The following SBF2 variants were observed in gnomAD, a reference collection of about 807,000 sequenced individuals.
SBF2 encodes myotubularin-related protein 13.
A neutral mutation model predicts 225.2 loss-of-function variants in SBF2; 112 were observed. That is an observed-to-expected ratio of 0.50 (90% confidence interval 0.43 to 0.58). The LOEUF is 0.58. SBF2 is among the 20% of genes least tolerant of loss of function. The pLI, the probability that SBF2 is intolerant of heterozygous loss-of-function variation, is 0.00. For synonymous variants in SBF2, 763 were observed against 773.3 expected (o/e 0.99, Z 0.22); for missense variants, 1,996 against 2,206.2 (o/e 0.90, Z 1.91).
intron 17 of SBF2, among the ~76,000 whole-genome samples, chr11:9,862,880 T>A (rs1393363845): frequency 6.6e-6 from 1 of 152,196 alleles, no homozygotes; most frequent in African/African-American, 2.4e-5. Flanking sequence ...TGCACAAAGA[T>A]GAGATTTAAC....
intron 1 of SBF2, among the ~76,000 whole-genome samples, 196 bp downstream of exon 1, chr11:10,293,819 C>A (rs1459862954): frequency 6.6e-6 from 1 of 152,140 alleles, no homozygotes; most frequent in Non-Finnish European, 1.5e-5. Context: ...TTCCCTCCCC[C>A]TACCGTCGTG....
chr11:9,931,330 T>A lies in SBF2; in HGVS notation c.1860+30627A>T, dbSNP rs568345375. ...GTGGGTCCCTGACCCCTGTGTAGTC[T>A]AACTGGGAGACACCTCCCAGTAGGG... On this transcript the variant is annotated intron_variant, in intron 16 of 39. Transcript: ENST00000256190. 2.9e-4 allele frequency among the ~76,000 whole-genome samples: 44 copies of A among 152,348 alleles called. No individual in the cohort carries two copies. In the South Asian group the frequency reaches 8.7e-3, roughly 30 times the overall value.
chr11:9,792,860 C>T (rs1461553680), intron 33 of SBF2, among the ~76,000 whole-genome samples: 2 of 151,748 alleles, frequency 1.3e-5, no homozygotes, highest in African/African-American at 4.8e-5. Context: ...TCAAGTGATC[C>T]TCCCACCGCA....
At chr11:10,249,471 G>A (rs1205700004) in intron 1 of SBF2, among the ~76,000 whole-genome samples, 1 of 152,012 alleles carries the variant, frequency 6.6e-6, no homozygotes, top group Non-Finnish European at 1.5e-5. Flanking sequence ...AAAAAGAAGG[G>A]AAAGACAAAA....
At chr11:9,872,796 A>C (rs1858887772) in intron 17 of SBF2, among the ~76,000 whole-genome samples, 1 of 152,196 alleles carries the variant, frequency 6.6e-6, no homozygotes, top group Non-Finnish European at 1.5e-5. Flanking sequence ...CAAGTAGATC[A>C]CTTGAGATCA....
chr11:9,816,518 G>T (rs1445555506), intron 29 of SBF2, among the ~76,000 whole-genome samples: 2 of 152,150 alleles, frequency 1.3e-5, no homozygotes, highest in Non-Finnish European at 2.9e-5. Flanking sequence ...AATCAAGGCT[G>T]TTGAAAACAC....
chr11:10,000,972 G>T lies in SBF2; in HGVS notation c.803C>A (p.Ser268Tyr). The change falls in exon 8 of 40, where the codon TCC (serine) becomes TAC (tyrosine). Residue 268 changes from serine (S) to tyrosine (Y), a missense_variant. Coordinates refer to ENST00000256190, the MANE Select transcript of SBF2 (RefSeq NM_030962.4). ...TACTCCAATAATGAAAGGCGTTGGG[G>T]AACTTAGAACTTCCAGTAGCTGAGC... ...LPAQLLEVLS[S>Y]PTPFIIGVHS... The T allele has an allele frequency of 6.2e-7, 1 of 1,606,454 alleles. No homozygotes were observed. Among genetic ancestry groups the T allele is most frequent in the Non-Finnish European group, 8.5e-7 (1 of 1,173,198 alleles).
intron 2 of SBF2, among the ~76,000 whole-genome samples, chr11:10,092,275 AT>A (rs1019004928): frequency 6.6e-6 from 1 of 152,120 alleles, no homozygotes; most frequent in Non-Finnish European, 1.5e-5. Context: ...TAATATGCTA[AT>A]TTTTTTCTTG....
chr11:9,937,627 C>G (rs1473059035), intron 16 of SBF2, among the ~76,000 whole-genome samples: 3 of 151,374 alleles, frequency 2.0e-5, no homozygotes, highest in Non-Finnish European at 4.4e-5. Flanking sequence ...TACAATATGA[C>G]AAGAAGATGA....
chr11:10,222,570 G>A (rs957792148), intron 1 of SBF2, among the ~76,000 whole-genome samples: 3 of 152,112 alleles, frequency 2.0e-5, no homozygotes, highest in African/African-American at 7.2e-5. Context: ...ATAAATTACC[G>A]AATTTGAAGA....
At chr11:10,259,411 T>C (rs1214811041) in intron 1 of SBF2, among the ~76,000 whole-genome samples, 1 of 152,232 alleles carries the variant, frequency 6.6e-6, no homozygotes, top group Admixed American at 6.5e-5. Flanking sequence ...TTAGCTATTA[T>C]TACTACTAAT....
At position 9,790,643 on chromosome 11, in the gene SBF2, T is replaced by C. The variant is rs930093275; in HGVS notation, c.4611A>G (p.Lys1537=). 8.8e-6 allele frequency: 14 copies of C among 1,583,120 alleles called. No individual in the cohort carries two copies. The highest frequency in any genetic ancestry group is 5.0e-5 in the Admixed American group (3 of 59,730). Residue 1537 remains lysine (K), a synonymous_variant, in exon 34 of 40, where the codon AAA becomes AAG. Coordinates refer to ENST00000256190, the MANE Select transcript of SBF2 (RefSeq NM_030962.4). ...FDDKGEKHAK[K]GVCIWECIDR... is the part of the protein sequence containing the mutation. ...CAATACATTCCCAAATACAGACTCC[T>C]TTTTTGGCATGCTTTTCTCCTTTAT...
chr11:9,974,657 A>G lies in SBF2; in HGVS notation c.1396-6112T>C, dbSNP rs796723771. Among the ~76,000 whole-genome samples, 568 of 146,344 alleles carry G rather than the reference A, an allele frequency of 3.9e-3. 3 individuals carry two copies. Among genetic ancestry groups the G allele is most frequent in the African/African-American group, 0.013 (538 of 40,074 alleles). The stretch of plus-strand genomic sequence containing the variant: ...AACAAGACACCCCCAACACCGCCCA[A>G]AAAAAAAAAAAAAAGAAAAGAAAGA... On this transcript the variant is annotated intron_variant, in intron 13 of 39. Transcript: ENST00000256190.
chr11:10,229,582 T>C (rs568699369), intron 1 of SBF2, among the ~76,000 whole-genome samples: 1 of 152,344 alleles, frequency 6.6e-6, no homozygotes. Flanking sequence ...CCAGTAGTCA[T>C]TCAGGAGCAG....
At chr11:10,193,778 A>G in intron 2 of SBF2, 124 bp downstream of exon 2, 1 of 734,764 alleles carries the variant, frequency 1.4e-6, no homozygotes, top group Admixed American at 2.0e-5. Context: ...TATTTCTAGT[A>G]CTGTAATATC....
chr11:10,265,121 G>C (rs550902738), intron 1 of SBF2, among the ~76,000 whole-genome samples: 2 of 152,046 alleles, frequency 1.3e-5, no homozygotes, highest in African/African-American at 4.8e-5. Context: ...TAGGTCAAAT[G>C]GTATTTCTAG....
chr11:9,915,223 C>T (rs1417619438), intron 16 of SBF2, among the ~76,000 whole-genome samples: 2 of 151,480 alleles, frequency 1.3e-5, no homozygotes. Flanking sequence ...CCGAGGCGGG[C>T]AGATCATGAG....
intron 10 of SBF2, 115 bp downstream of exon 10, chr11:9,993,806 C>T: frequency 1.9e-6 from 2 of 1,044,624 alleles, no homozygotes; most frequent in Non-Finnish European, 2.8e-6. Context: ...TAATTTGGGG[C>T]ACTTTTTACT....
intron 2 of SBF2, among the ~76,000 whole-genome samples, chr11:10,132,658 G>C (rs1171089204): frequency 6.7e-6 from 1 of 149,028 alleles, no homozygotes; most frequent in Non-Finnish European, 1.5e-5. Flanking sequence ...GACCCAAAGA[G>C]TGAGCAGTAG....
Sources: allele counts gnomAD v4.1 joint callset (sites outside exome capture counted in the v4.1 genomes callset), GRCh38; gene constraint gnomAD v4.1.1; transcripts MANE v1.5; gene names NCBI Gene and HGNC (gene_info 2026-07-23, HGNC 2026-07-21).